The following ZMAT3 variants were observed in gnomAD, a reference collection of about 807,000 sequenced individuals.
The protein encoded by ZMAT3 is zinc finger matrin-type protein 3.
In ZMAT3, 17 loss-of-function variants were observed where a neutral mutation model predicts 32.3. The observed-to-expected ratio is 0.53, with a 90% CI of 0.36 to 0.79. The LOEUF (loss-of-function observed/expected upper bound fraction) is 0.79. Among genes scored for constraint, ZMAT3 ranks in the 30% least tolerant of loss-of-function variants. The pLI is 0.00. For synonymous variants in ZMAT3, 120 were observed against 133.1 expected (o/e 0.90, Z 0.68); for missense variants, 329 against 359.7 (o/e 0.91, Z 0.69).
intron 1 of ZMAT3, among the ~76,000 whole-genome samples, chr3:179,069,047 T>A (rs1721571678): frequency 6.6e-6 from 1 of 152,052 alleles, no homozygotes; most frequent in African/African-American, 2.4e-5. Flanking sequence ...GCTCTTGAGT[T>A]TACAGCCCTG....
At chr3:179,033,124 C>T (rs1719379014) in intron 2 of ZMAT3, among the ~76,000 whole-genome samples, 1 of 152,192 alleles carries the variant, frequency 6.6e-6, no homozygotes, top group Non-Finnish European at 1.5e-5. Flanking sequence ...TAGGAGACTC[C>T]ATTTTGTTCT....
intron 2 of ZMAT3, among the ~76,000 whole-genome samples, chr3:179,058,147 G>A (rs1720948321): frequency 6.6e-6 from 1 of 152,192 alleles, no homozygotes; most frequent in Admixed American, 6.5e-5. Context: ...CTTAGTATCT[G>A]AAGCAGTTAA....
At chr3:179,030,561 A>G (rs573208839) in intron 3 of ZMAT3, among the ~76,000 whole-genome samples, 1 of 152,176 alleles carries the variant, frequency 6.6e-6, no homozygotes, top group South Asian at 2.1e-4. Flanking sequence ...TCACCGTGTT[A>G]GCCATGATGG....
chr3:179,067,256 G>A (rs1002093322), intron 2 of ZMAT3, among the ~76,000 whole-genome samples: 10 of 152,022 alleles, frequency 6.6e-5, no homozygotes, highest in African/African-American at 2.4e-4. Context: ...GTAAGCTATC[G>A]CATGCCACAC....
intron 2 of ZMAT3, among the ~76,000 whole-genome samples, chr3:179,040,961 A>T (rs1719889942): frequency 6.6e-6 from 1 of 152,166 alleles, no homozygotes; most frequent in Non-Finnish European, 1.5e-5. Context: ...ACTTTAAATC[A>T]ACAAAGATCA....
chr3:179,064,130 C>T (rs57817487), intron 2 of ZMAT3, among the ~76,000 whole-genome samples: 8,816 of 152,250 alleles, frequency 0.058, 363 homozygotes, highest in East Asian at 0.22. Flanking sequence ...TGAAACTCCA[C>T]GATTTCAACA....
At chr3:179,066,927 T>C (rs1378067134) in intron 2 of ZMAT3, among the ~76,000 whole-genome samples, 1 of 152,232 alleles carries the variant, frequency 6.6e-6, no homozygotes, top group African/African-American at 2.4e-5. Flanking sequence ...GGGCTCAATA[T>C]TGCAATGTCA....
chr3:179,027,093 T>C (rs1718912283), intron 5 of ZMAT3, among the ~76,000 whole-genome samples: 1 of 152,214 alleles, frequency 6.6e-6, no homozygotes. Flanking sequence ...TTCTTTAACA[T>C]GGTACAACTT....
rs548088604 is a variant in ZMAT3, at chr3:179,033,410, T to C, written c.271-2411A>G. Among the ~76,000 whole-genome samples the C allele has an allele frequency of 3.4e-3, 515 of 152,144 alleles. 3 individuals carry two copies. The highest frequency in any genetic ancestry group is 0.012 in the African/African-American group (488 of 41,492). ...AACCAGAGACCTCTGTTCACGTGTT[T>C]ATCTGCTGACCTTCCCTCCACTATT... On this transcript the variant is annotated intron_variant, in intron 2 of 5. Coordinates refer to ENST00000311417, the MANE Select transcript of ZMAT3 (RefSeq NM_022470.4).
intron 2 of ZMAT3, among the ~76,000 whole-genome samples, chr3:179,049,082 CATAATACA>C (rs1420923444): frequency 3.3e-5 from 5 of 152,094 alleles, no homozygotes; most frequent in Admixed American, 6.5e-5. Flanking sequence ...CAAAGAGGGA[CATAATACA>C]ATAATAAAAG....
intron 2 of ZMAT3, among the ~76,000 whole-genome samples, chr3:179,053,560 C>T (rs1560095262): frequency 6.6e-6 from 1 of 152,050 alleles, no homozygotes; most frequent in African/African-American, 2.4e-5. Context: ...TTGTTGAACA[C>T]AAAAAGAAAA....
At chr3:179,029,021 A>T (rs1472864555) in intron 3 of ZMAT3, among the ~76,000 whole-genome samples, 1 of 152,036 alleles carries the variant, frequency 6.6e-6, no homozygotes, top group East Asian at 1.9e-4. Context: ...TTAGCTGGGC[A>T]TGGTGGCAGG....
chr3:179,060,831 A>G (rs527366180), intron 2 of ZMAT3, among the ~76,000 whole-genome samples: 1 of 152,286 alleles, frequency 6.6e-6, no homozygotes, highest in East Asian at 1.9e-4. Context: ...GGGAAAAAAA[A>G]GAAAGACACA....
At chr3:179,064,555 G>A (rs190618398) in intron 2 of ZMAT3, among the ~76,000 whole-genome samples, 8 of 152,266 alleles carry the variant, frequency 5.3e-5, no homozygotes, top group African/African-American at 1.2e-4. Flanking sequence ...TCAGCCTCAC[G>A]AGTAGCTGGG....
rs1718927522 is a variant in ZMAT3, at chr3:179,027,397, A to C, written c.658+26T>G. On this transcript the variant is annotated intron_variant, in intron 5 of 5. Coordinates refer to ENST00000311417, the MANE Select transcript of ZMAT3 (RefSeq NM_022470.4). ...AGGAGACTAGGTACAGAATGTACCC[A>C]AGGTATGTGGAAACAGACAAGATAC... is the stretch of plus-strand genomic sequence containing the variant. The C allele has an allele frequency of 2.5e-6, 4 of 1,597,788 alleles. No homozygotes were observed. In the East Asian group the frequency reaches 8.9e-5, roughly 36 times the overall value.
At chr3:179,028,543 G>GT (rs1301828232) in intron 3 of ZMAT3, among the ~76,000 whole-genome samples, 4 of 152,212 alleles carry the variant, frequency 2.6e-5, no homozygotes, top group Non-Finnish European at 2.9e-5. Flanking sequence ...TGGAAGGGAA[G>GT]TTTTTTCTGG....
At position 179,025,940 on chromosome 3, in the gene ZMAT3, C is replaced by A. The variant is rs564020928; in HGVS notation, c.659-712G>T. Among the ~76,000 whole-genome samples the A allele has an allele frequency of 6.6e-5, 10 of 152,288 alleles. No homozygotes were observed. In the South Asian group the frequency reaches 1.7e-3, roughly 25 times the overall value. On this transcript the variant is annotated intron_variant, in intron 5 of 5. Coordinates refer to ENST00000311417, the MANE Select transcript of ZMAT3 (RefSeq NM_022470.4). ...TACATTACTGACCTCATAAGCTGGA[C>A]GCTTAGTTCGTTAACTTTATGCTTT...
intron 2 of ZMAT3, among the ~76,000 whole-genome samples, chr3:179,063,202 T>C (rs1721239195): frequency 6.6e-6 from 1 of 152,174 alleles, no homozygotes; most frequent in African/African-American, 2.4e-5. Context: ...GCAAGTCCAT[T>C]TGGAAAAAAA....
chr3:179,063,100 A>G (rs1457530007), intron 2 of ZMAT3, among the ~76,000 whole-genome samples: 1 of 152,236 alleles, frequency 6.6e-6, no homozygotes, highest in Non-Finnish European at 1.5e-5. Context: ...ATCCTAGCCC[A>G]AAGTTGTTAG....
Sources: allele counts gnomAD v4.1 joint callset (sites outside exome capture counted in the v4.1 genomes callset), GRCh38; gene constraint gnomAD v4.1.1; transcripts MANE v1.5; gene names NCBI Gene and HGNC (gene_info 2026-07-23, HGNC 2026-07-21).